The following SOX5 variants were observed in gnomAD, a reference collection of about 807,000 sequenced individuals.
The protein encoded by SOX5 is SRY-box transcription factor 5.
SOX5 carries 9 observed loss-of-function variants against 92.0 expected under a neutral mutation model. That is an observed-to-expected ratio of 0.10 (90% CI 0.06 to 0.17). The LOEUF is 0.17. SOX5 is among the 10% of genes least tolerant of loss of function. The pLI is 1.00. For synonymous variants in SOX5, 344 were observed against 336.3 expected, an observed-to-expected ratio of 1.02 and a Z score of -0.25; for missense variants, 642 against 944.5, an observed-to-expected ratio of 0.68 and a Z score of 4.20.
At chr12:23,983,396 C>T (rs1592061841) in intron 4 of SOX5, among the ~76,000 whole-genome samples, 1 of 152,258 alleles carries the variant, frequency 6.6e-6, no homozygotes, top group East Asian at 1.9e-4. Flanking sequence ...TAACACTGTG[C>T]CATTCTGTAT....
chr12:23,696,924 TTTTAA>T (rs1292258830), intron 6 of SOX5, among the ~76,000 whole-genome samples: 2 of 152,174 alleles, frequency 1.3e-5, no homozygotes, highest in Non-Finnish European at 2.9e-5. Flanking sequence ...GCTTACTAAT[TTTTAA>T]TTTAATTCCA....
At chr12:23,954,438 G>A (rs1946033737), upstream of SOX5, among the ~76,000 whole-genome samples, 1 of 151,044 alleles carries the variant, frequency 6.6e-6, no homozygotes, top group African/African-American at 2.4e-5. Flanking sequence ...ATTAAAAAGA[G>A]GACACTTCCT....
At chr12:23,551,682 T>C (rs192889906) in intron 11 of SOX5, among the ~76,000 whole-genome samples, 2 of 152,008 alleles carry the variant, frequency 1.3e-5, no homozygotes, top group Admixed American at 1.3e-4. Flanking sequence ...TCTATTCATT[T>C]TCTCCATTGA....
At chr12:23,998,438 A>G (rs1313223524) in intron 4 of SOX5, among the ~76,000 whole-genome samples, 1 of 152,136 alleles carries the variant, frequency 6.6e-6, no homozygotes, top group Non-Finnish European at 1.5e-5. Context: ...AGCCTTCTCA[A>G]AGACCTATGA....
chr12:24,173,820 A>T (rs1337086291), intron 4 of SOX5, among the ~76,000 whole-genome samples: 1 of 152,172 alleles, frequency 6.6e-6, no homozygotes, highest in Non-Finnish European at 1.5e-5. Flanking sequence ...AGTTAGGAAT[A>T]AGAAGTTATC....
At chr12:24,123,816 T>C (rs182022934) in intron 4 of SOX5, among the ~76,000 whole-genome samples, 1 of 152,168 alleles carries the variant, frequency 6.6e-6, no homozygotes, top group African/African-American at 2.4e-5. Flanking sequence ...CACTGACATA[T>C]AGGATATGAA....
intron 6 of SOX5, among the ~76,000 whole-genome samples, chr12:23,724,480 G>A (rs563301669): frequency 2.5e-4 from 38 of 152,152 alleles, no homozygotes; most frequent in African/African-American, 9.2e-4. Flanking sequence ...ATAATATCAA[G>A]TCAAAAATTT....
intron 4 of SOX5, among the ~76,000 whole-genome samples, chr12:24,061,237 G>A (rs1354268548): frequency 6.6e-6 from 1 of 152,048 alleles, no homozygotes; most frequent in Non-Finnish European, 1.5e-5. Flanking sequence ...CACAAGCAGA[G>A]AACAAGGGGA....
At chr12:23,722,282 A>C (rs952191534) in intron 6 of SOX5, among the ~76,000 whole-genome samples, 1 of 152,214 alleles carries the variant, frequency 6.6e-6, no homozygotes, top group East Asian at 1.9e-4. Flanking sequence ...TTATATAACT[A>C]TGATATTTCA....
intron 4 of SOX5, among the ~76,000 whole-genome samples, chr12:23,956,706 G>A (rs1421781037): frequency 6.6e-6 from 1 of 151,894 alleles, no homozygotes; most frequent in Admixed American, 6.6e-5. Flanking sequence ...AGGGGAGGGG[G>A]ACAGAGTCTC....
chr12:24,309,524 A>G (rs1948966337), intron 2 of SOX5, among the ~76,000 whole-genome samples: 1 of 152,192 alleles, frequency 6.6e-6, no homozygotes, highest in African/African-American at 2.4e-5. Flanking sequence ...TCAGAAAAAA[A>G]AACTTTTGCT....
At position 23,792,344 on chromosome 12, in the gene SOX5, G is replaced by C. The variant is rs1292956390; in HGVS notation, c.482-36620C>G. On this transcript the variant is annotated intron_variant, in intron 3 of 14. Coordinates refer to ENST00000451604, the MANE Select transcript of SOX5 (RefSeq NM_006940.6). ...CTAAGGCGATAAAAATCTCGGACAG[G>C]CCAGGCACAGTGGCTCATGACTGTA... Among the ~76,000 whole-genome samples, 3 of 152,014 alleles carry C rather than the reference G, an allele frequency of 2.0e-5. No individual in the cohort carries two copies. In the East Asian group the frequency reaches 5.8e-4, roughly 29 times the overall value.
chr12:23,898,737 G>A (rs768927659), intron 1 of SOX5, among the ~76,000 whole-genome samples: 1 of 152,154 alleles, frequency 6.6e-6, no homozygotes, highest in Non-Finnish European at 1.5e-5. Context: ...TCATGATGCC[G>A]GAAGGCAACT....
chr12:24,236,001 A>G (rs1173509173), intron 3 of SOX5, among the ~76,000 whole-genome samples: 1 of 152,100 alleles, frequency 6.6e-6, no homozygotes, highest in Non-Finnish European at 1.5e-5. Context: ...AATCCTGGTT[A>G]ACATGGTAAA....
At chr12:23,959,870 A>G (rs983688902) in intron 4 of SOX5, among the ~76,000 whole-genome samples, 2 of 152,226 alleles carry the variant, frequency 1.3e-5, no homozygotes, top group African/African-American at 4.8e-5. Flanking sequence ...GGTAAAATAT[A>G]AAAACTTATA....
intron 6 of SOX5, among the ~76,000 whole-genome samples, chr12:23,697,642 C>G (rs1018972599): frequency 3.9e-5 from 6 of 152,140 alleles, no homozygotes; most frequent in Non-Finnish European, 8.8e-5. Flanking sequence ...CCTCTGCCTC[C>G]CAGATTCAAG....
At chr12:23,589,710 T>C (rs1054542466) in intron 9 of SOX5, among the ~76,000 whole-genome samples, 1 of 152,008 alleles carries the variant, frequency 6.6e-6, no homozygotes, top group Non-Finnish European at 1.5e-5. Flanking sequence ...AATCTTACTT[T>C]TAAATTTCAG....
chr12:24,116,563 T>C (rs1462703397), intron 4 of SOX5, among the ~76,000 whole-genome samples: 1 of 152,160 alleles, frequency 6.6e-6, no homozygotes, highest in Non-Finnish European at 1.5e-5. Context: ...GATGTTATTG[T>C]GGATTATTGC....
At chr12:24,534,246 ATTTCT>A (rs1951438526) in intron 1 of SOX5, among the ~76,000 whole-genome samples, 2 of 151,204 alleles carry the variant, frequency 1.3e-5, no homozygotes, top group Non-Finnish European at 3.0e-5. Flanking sequence ...GTTTCATGTT[ATTTCT>A]TTTCTTTGCT....
Sources: allele counts gnomAD v4.1 joint callset (sites outside exome capture counted in the v4.1 genomes callset), GRCh38; gene constraint gnomAD v4.1.1; transcripts MANE v1.5; gene names NCBI Gene and HGNC (gene_info 2026-07-23, HGNC 2026-07-21).